Variants in CAB39 observed in about 807,000 individuals in gnomAD.
CAB39 encodes calcium binding protein 39.
A neutral mutation model predicts 40.0 loss-of-function variants in CAB39; 8 were observed. That is an observed-to-expected ratio of 0.20 (90% CI 0.12 to 0.36). CAB39 has a LOEUF of 0.36. Ranked by LOEUF, CAB39 falls within the 10% of genes least tolerant of loss-of-function variation. CAB39 has a pLI of 1.00. For synonymous variants in CAB39, 156 were observed against 141.6 expected (o/e 1.10, Z -0.72); for missense variants, 270 against 401.1 (o/e 0.67, Z 2.79).
Position 230,806,555 on chromosome 2 carries a change from G to A in CAB39, c.568-3708G>A, listed in dbSNP as rs566037787. On this transcript the variant is annotated intron_variant, in intron 5 of 8. Transcript: ENST00000258418. ...AGGGGGACTCAGAACCCTGTCATTC[G>A]AGGAGTGGTTAAAGGAACTGGAAGT... Among the ~76,000 whole-genome samples, 238 of 152,274 alleles carry A rather than the reference G, an allele frequency of 1.6e-3. 1 individual carries two copies. Among genetic ancestry groups the A allele is most frequent in the African/African-American group, 5.5e-3 (229 of 41,552 alleles).
rs1402089464 is a variant in CAB39, at chr2:230,798,774, A to G, written c.444A>G (p.Arg148=). 1 of 1,606,354 alleles carries G rather than the reference A, an allele frequency of 6.2e-7. No individual in the cohort carries two copies. The highest frequency in any genetic ancestry group is 1.3e-5 in the African/African-American group (1 of 74,832). Residue 148 remains arginine (R), a synonymous_variant, in exon 5 of 9, where the codon AGA becomes AGG. Transcript: ENST00000258418. ...CTCTAAATTGTGGAATAATGTTAAG[A>G]GAATGCATCAGACATGAACCACTTG... ...EIALNCGIML[R]ECIRHEPLAK...
At chr2:230,733,820 C>T (rs1261897235) in intron 1 of CAB39, among the ~76,000 whole-genome samples, 10 of 152,136 alleles carry the variant, frequency 6.6e-5, no homozygotes, top group Admixed American at 2.6e-4. Flanking sequence ...TTCACAAGAT[C>T]GTTTTGGGAG....
Position 230,808,996 on chromosome 2 carries a change from C to G in CAB39, c.568-1267C>G, listed in dbSNP as rs551383543. Among the ~76,000 whole-genome samples, 187 of 152,320 alleles carry G rather than the reference C, an allele frequency of 1.2e-3. 2 individuals are homozygous for G. Among genetic ancestry groups the G allele is most frequent in the African/African-American group, 4.3e-3 (177 of 41,570 alleles). ...AACTTACAGTGTAGCATAAGAGAGA[C>G]TTGAATCAAATAATCCCACAAACCA... is the stretch of plus-strand genomic sequence containing the variant. On this transcript the variant is annotated intron_variant, in intron 5 of 8. Transcript: ENST00000258418.
intron 2 of CAB39, among the ~76,000 whole-genome samples, chr2:230,788,335 GTTA>G (rs1005484414): frequency 4.0e-5 from 6 of 150,620 alleles, no homozygotes; most frequent in African/African-American, 1.5e-4. Context: ...TACTACTTCA[GTTA>G]TTATAAGAAC....
At chr2:230,714,140 C>CGG (rs750354553) in intron 1 of CAB39, 1 of 149,836 alleles carries the variant, frequency 6.7e-6, no homozygotes, top group South Asian at 2.1e-4. Flanking sequence ...GTGCAGGGGG[C>CGG]GGGGGGTATT....
intron 1 of CAB39, among the ~76,000 whole-genome samples, chr2:230,717,162 A>T (rs1000441361): frequency 1.3e-5 from 2 of 151,448 alleles, no homozygotes; most frequent in Non-Finnish European, 3.0e-5. Context: ...ACTGGTAAAC[A>T]TTTTTTTTTA....
intron 5 of CAB39, among the ~76,000 whole-genome samples, chr2:230,807,092 T>A (rs1696209167): frequency 1.3e-5 from 2 of 152,148 alleles, no homozygotes; most frequent in South Asian, 4.1e-4. Flanking sequence ...AGGAATCCTT[T>A]TATTCTCCCC....
chr2:230,765,740 C>T (rs1363307884), intron 2 of CAB39, among the ~76,000 whole-genome samples: 1 of 152,018 alleles, frequency 6.6e-6, no homozygotes, highest in Non-Finnish European at 1.5e-5. Flanking sequence ...GGGAATACTA[C>T]TACTGGCATC....
At chr2:230,753,753 A>G (rs1363986525) in intron 1 of CAB39, among the ~76,000 whole-genome samples, 1 of 151,996 alleles carries the variant, frequency 6.6e-6, no homozygotes, top group African/African-American at 2.4e-5. Flanking sequence ...CAAAAAAAAA[A>G]AAAAAAGAAA....
intron 1 of CAB39, among the ~76,000 whole-genome samples, chr2:230,754,401 T>G (rs1695150114): frequency 1.5e-5 from 2 of 131,758 alleles, no homozygotes; most frequent in African/African-American, 6.0e-5. Context: ...TTCTTCCCCT[T>G]CCCCTCCTTC....
At chr2:230,808,571 C>T (rs1696246547) in intron 5 of CAB39, among the ~76,000 whole-genome samples, 1 of 152,210 alleles carries the variant, frequency 6.6e-6, no homozygotes, top group Non-Finnish European at 1.5e-5. Context: ...CTTTCTTCTT[C>T]TCCTTCCCCT....
chr2:230,747,066 C>A (rs1489139661), intron 1 of CAB39, among the ~76,000 whole-genome samples: 2 of 151,998 alleles, frequency 1.3e-5, no homozygotes, highest in African/African-American at 4.8e-5. Flanking sequence ...TGAAAGTGGT[C>A]TAGAGGCCTG....
intron 1 of CAB39, among the ~76,000 whole-genome samples, chr2:230,743,853 G>C (rs1694926150): frequency 2.6e-5 from 4 of 151,312 alleles, no homozygotes; most frequent in Middle Eastern, 3.4e-3. Flanking sequence ...ATGTGTATGT[G>C]TGTGTATATA....
At position 230,777,526 on chromosome 2, in the gene CAB39, TC is replaced by T. The variant is rs1355192715; in HGVS notation, c.115-13345del. 3.9e-5 allele frequency among the ~76,000 whole-genome samples: 6 copies of T among 152,080 alleles called. No homozygotes were observed. In the East Asian group the frequency reaches 5.8e-4, roughly 15 times the overall value. ...CTTCTGCCTCCCAGGTTCAAGCAATTCTTGTGCCTCAGCCTCCCAAGTAGCT... is the reference window on the plus strand; with the variant it reads ...CTTCTGCCTCCCAGGTTCAAGCAATTTTGTGCCTCAGCCTCCCAAGTAGCT... On this transcript the variant is annotated intron_variant, in intron 2 of 8. Transcript: ENST00000258418.
At chr2:230,734,767 A>G (rs1262700351) in intron 1 of CAB39, among the ~76,000 whole-genome samples, 1 of 150,104 alleles carries the variant, frequency 6.7e-6, no homozygotes, top group Non-Finnish European at 1.5e-5. Context: ...GAGGGAGTCT[A>G]AAGAGCTGGC....
intron 4 of CAB39, among the ~76,000 whole-genome samples, chr2:230,797,382 C>G (rs1373867004): frequency 6.6e-6 from 1 of 152,096 alleles, no homozygotes; most frequent in Non-Finnish European, 1.5e-5. Flanking sequence ...AGACAAATTT[C>G]AGGTGCTCAG....
At chr2:230,777,743 A>G (rs1422487975) in intron 2 of CAB39, among the ~76,000 whole-genome samples, 3 of 152,116 alleles carry the variant, frequency 2.0e-5, no homozygotes, top group African/African-American at 7.2e-5. Flanking sequence ...TGGTTCTTCC[A>G]TTTTATGGGT....
At chr2:230,804,469 T>C (rs1229391253) in intron 5 of CAB39, among the ~76,000 whole-genome samples, 3 of 152,114 alleles carry the variant, frequency 2.0e-5, no homozygotes, top group Non-Finnish European at 2.9e-5. Context: ...CCCTACAGAA[T>C]GGGAGAAAAT....
intron 1 of CAB39, among the ~76,000 whole-genome samples, chr2:230,749,171 T>C (rs1022314372): frequency 6.6e-6 from 1 of 151,924 alleles, no homozygotes; most frequent in Middle Eastern, 3.2e-3. Context: ...TACAATACTT[T>C]AATGTGTGCA....
Sources: allele counts gnomAD v4.1 joint callset (sites outside exome capture counted in the v4.1 genomes callset), GRCh38; gene constraint gnomAD v4.1.1; transcripts MANE v1.5; gene names NCBI Gene and HGNC (gene_info 2026-07-23, HGNC 2026-07-21).